Variants in SDCCAG8 observed in about 807,000 individuals in gnomAD.
SDCCAG8 encodes the protein serologically defined colon cancer antigen 8.
A neutral mutation model predicts 101.8 loss-of-function variants in SDCCAG8; 74 were observed. That is an observed-to-expected ratio of 0.73 (90% CI 0.60 to 0.88). SDCCAG8 has a LOEUF of 0.88. Among genes scored for constraint, SDCCAG8 ranks in the 40% least tolerant of loss-of-function variants. The pLI, the probability that SDCCAG8 is intolerant of heterozygous loss-of-function variation, is 0.00. For synonymous variants in SDCCAG8, 281 were observed against 292.9 expected, an observed-to-expected ratio of 0.96 and a Z score of 0.41; for missense variants, 787 against 822.6, an observed-to-expected ratio of 0.96 and a Z score of 0.53.
intron 16 of SDCCAG8, among the ~76,000 whole-genome samples, chr1:243,436,075 C>G (rs979995795): frequency 3.9e-5 from 6 of 151,956 alleles, no homozygotes; most frequent in Admixed American, 2.6e-4. Flanking sequence ...TAGGGTTCAG[C>G]CTTAGTTTTG....
intron 13 of SDCCAG8, among the ~76,000 whole-genome samples, chr1:243,386,628 C>T (rs2147929876): frequency 6.6e-6 from 1 of 152,250 alleles, no homozygotes; most frequent in East Asian, 1.9e-4. Context: ...TGGCACACGT[C>T]CGTAGTCCCA....
At chr1:243,330,865 A>G (rs1009708630) in intron 10 of SDCCAG8, among the ~76,000 whole-genome samples, 173 bp downstream of exon 10, 5 of 152,218 alleles carry the variant, frequency 3.3e-5, no homozygotes, top group African/African-American at 1.2e-4. Flanking sequence ...ATCTTTTCAT[A>G]TATTTCTCAA....
At chr1:243,400,526 C>T (rs547112823) in intron 13 of SDCCAG8, among the ~76,000 whole-genome samples, 2 of 152,148 alleles carry the variant, frequency 1.3e-5, no homozygotes, top group Non-Finnish European at 2.9e-5. Context: ...AGTCATTTCT[C>T]TAAAATGGGG....
At chr1:243,378,683 T>C (rs1296548511) in intron 12 of SDCCAG8, 38 bp from the exon 13 acceptor site, 2 of 1,609,306 alleles carry the variant, frequency 1.2e-6, no homozygotes, top group South Asian at 2.2e-5. Context: ...AGTGCATGTA[T>C]TTTATATGGA....
chr1:243,287,885 A>G (rs1572983489), intron 5 of SDCCAG8, among the ~76,000 whole-genome samples: 1 of 152,182 alleles, frequency 6.6e-6, no homozygotes, highest in African/African-American at 2.4e-5. Flanking sequence ...GGGCAAGAGA[A>G]ATGAGTAATG....
intron 12 of SDCCAG8, among the ~76,000 whole-genome samples, chr1:243,345,599 C>A (rs1001483420): frequency 2.6e-5 from 4 of 152,144 alleles, no homozygotes; most frequent in Non-Finnish European, 5.9e-5. Context: ...AATATATTGG[C>A]ATACTTTTGG....
chr1:243,273,628 A>G (rs371685640), intron 3 of SDCCAG8, among the ~76,000 whole-genome samples: 7 of 152,312 alleles, frequency 4.6e-5, no homozygotes, highest in African/African-American at 1.7e-4. Flanking sequence ...TTGCTAATGT[A>G]TCTTTTTTGA....
intron 12 of SDCCAG8, among the ~76,000 whole-genome samples, chr1:243,349,056 A>G (rs923933877): frequency 7.2e-5 from 11 of 152,268 alleles, no homozygotes; most frequent in African/African-American, 2.4e-4. Flanking sequence ...TAATAATTTC[A>G]AGACATTGAC....
chr1:243,283,285 G>A (rs1241220528), intron 4 of SDCCAG8, among the ~76,000 whole-genome samples: 1 of 151,660 alleles, frequency 6.6e-6, no homozygotes, highest in African/African-American at 2.4e-5. Flanking sequence ...TTGGTGTTCG[G>A]TGAGCTTCCT....
chr1:243,446,132 C>T (rs1043505747), intron 16 of SDCCAG8, among the ~76,000 whole-genome samples: 1 of 152,176 alleles, frequency 6.6e-6, no homozygotes, highest in African/African-American at 2.4e-5. Context: ...GTTGGGTGAT[C>T]AGGGTAAGTG....
intron 1 of SDCCAG8, chr1:243,268,174 C>A: frequency 1.8e-6 from 1 of 570,548 alleles, no homozygotes. Context: ...ATGCTTTTAC[C>A]TGGAATACAT....
intron 5 of SDCCAG8, among the ~76,000 whole-genome samples, chr1:243,287,499 A>G (rs556059002): frequency 2.6e-5 from 4 of 151,874 alleles, no homozygotes; most frequent in African/African-American, 9.7e-5. Context: ...GAAGTATAGG[A>G]GTGTATTAAC....
chr1:243,444,171 TTTAA>T (rs894828943), intron 16 of SDCCAG8, among the ~76,000 whole-genome samples: 6 of 152,198 alleles, frequency 3.9e-5, no homozygotes, highest in Non-Finnish European at 7.3e-5. Context: ...CAGACACCAT[TTTAA>T]TTAATAATTA....
intron 1 of SDCCAG8, among the ~76,000 whole-genome samples, chr1:243,261,872 T>C (rs1306241038): frequency 6.6e-6 from 1 of 151,668 alleles, no homozygotes; most frequent in Non-Finnish European, 1.5e-5. Context: ...TTTTTTTTTT[T>C]TTAATCTCAG....
At chr1:243,407,395 T>C (rs1367910487) in intron 13 of SDCCAG8, among the ~76,000 whole-genome samples, 1 of 152,182 alleles carries the variant, frequency 6.6e-6, no homozygotes, top group Non-Finnish European at 1.5e-5. Flanking sequence ...ACAGAGATGT[T>C]ATGAAGAATA....
chr1:243,427,785 T>C (rs938710895), intron 16 of SDCCAG8, among the ~76,000 whole-genome samples: 8 of 152,158 alleles, frequency 5.3e-5, no homozygotes, highest in African/African-American at 7.2e-5. Context: ...TACCAAAATA[T>C]GGATATACTT....
At chr1:243,406,315 A>T (rs2079783304) in intron 13 of SDCCAG8, among the ~76,000 whole-genome samples, 1 of 152,134 alleles carries the variant, frequency 6.6e-6, no homozygotes, top group Non-Finnish European at 1.5e-5. Flanking sequence ...TTACTATCTC[A>T]CAGGATCTTT....
intron 8 of SDCCAG8, among the ~76,000 whole-genome samples, chr1:243,311,081 A>G (rs1391101484): frequency 1.4e-4 from 2 of 14,310 alleles, no homozygotes; most frequent in African/African-American, 1.5e-4. Flanking sequence ...TCTACCCTCA[A>G]GAAAAAACTC....
intron 16 of SDCCAG8, among the ~76,000 whole-genome samples, chr1:243,428,227 G>A (rs1173641141): frequency 6.6e-6 from 1 of 152,128 alleles, no homozygotes; most frequent in African/African-American, 2.4e-5. Context: ...AAAGACAAAC[G>A]TGCCGAATGA....
Sources: gnomAD v4.1 joint callset for allele counts (sites outside exome capture counted in the v4.1 genomes callset) on GRCh38, gnomAD v4.1.1 for gene constraint, MANE v1.5 for transcripts, NCBI Gene and HGNC (gene_info 2026-07-23, HGNC 2026-07-21) for gene names.